The following ST8SIA5 variants were observed in gnomAD, a reference collection of about 807,000 sequenced individuals.
ST8SIA5 encodes alpha-2,8-sialyltransferase 8E.
In ST8SIA5, 24 loss-of-function variants were observed where a neutral mutation model predicts 40.2. The ratio of observed to expected loss-of-function variants is 0.60; its 90% CI spans 0.43 to 0.84. The LOEUF (loss-of-function observed/expected upper bound fraction) is 0.84, where lower values mean the gene tolerates loss of function less well. Among genes scored for constraint, ST8SIA5 ranks in the 40% least tolerant of loss-of-function variants. The probability of loss-of-function intolerance (pLI) is 0.00; values close to 1 mark genes in which losing one functional copy is unlikely to be tolerated. For missense variants in ST8SIA5, 465 were observed against 498.5 expected, an observed-to-expected ratio of 0.93 and a Z score of 0.64; for synonymous variants, 198 against 201.8, an observed-to-expected ratio of 0.98 and a Z score of 0.16.
At chr18:46,689,083 C>A in intron 3 of ST8SIA5, 164 bp from the exon 4 acceptor site, 1 of 754,206 alleles carries the variant, frequency 1.3e-6, no homozygotes, top group South Asian at 2.1e-5. Flanking sequence ...CTCCTGCCCA[C>A]CCATCCCACA....
Position 46,716,240 on chromosome 18 carries a change from T to G in ST8SIA5, c.132-11576A>C, listed in dbSNP as rs138286790. On this transcript the variant is annotated intron_variant, in intron 1 of 6. Transcript: ENST00000315087. ...GGGTAATGAATACACCCACCTCAAA[T>G]GTTTGAGGGTAAGGACTGAATGGGA... Among the ~76,000 whole-genome samples, 1,385 of 152,216 alleles carry G rather than the reference T, an allele frequency of 9.1e-3. 21 individuals carry two copies. Among genetic ancestry groups the G allele is most frequent in the African/African-American group, 0.031 (1,306 of 41,514 alleles).
At chr18:46,689,262 C>T (rs1023257277) in intron 3 of ST8SIA5, among the ~76,000 whole-genome samples, 1 of 152,222 alleles carries the variant, frequency 6.6e-6, no homozygotes, top group Non-Finnish European at 1.5e-5. Flanking sequence ...TTCCATGAAG[C>T]CCCACCCAGC....
At chr18:46,713,182 T>C (rs568904070) in intron 1 of ST8SIA5, among the ~76,000 whole-genome samples, 2 of 152,004 alleles carry the variant, frequency 1.3e-5, no homozygotes, top group Admixed American at 6.6e-5. Context: ...AGACAGTCGA[T>C]TGCACTAAGG....
chr18:46,700,336 C>T (rs778293565), intron 2 of ST8SIA5, among the ~76,000 whole-genome samples: 9 of 152,206 alleles, frequency 5.9e-5, no homozygotes, highest in African/African-American at 1.9e-4. Flanking sequence ...TCTGCAGGCC[C>T]GAAGGGGCAA....
At chr18:46,701,423 G>A (rs1199919033) in intron 2 of ST8SIA5, among the ~76,000 whole-genome samples, 1 of 152,064 alleles carries the variant, frequency 6.6e-6, no homozygotes, top group Non-Finnish European at 1.5e-5. Flanking sequence ...TTACAGGCAT[G>A]AGCTACCGCA....
intron 1 of ST8SIA5, among the ~76,000 whole-genome samples, chr18:46,728,905 C>CT (rs2039958629): frequency 1.3e-5 from 2 of 152,204 alleles, no homozygotes; most frequent in Admixed American, 6.5e-5. Context: ...AATAGCACCA[C>CT]TTGCCTATTC....
chr18:46,692,430 G>T (rs372124218), intron 2 of ST8SIA5, among the ~76,000 whole-genome samples, 175 bp from the exon 3 acceptor site: 2 of 151,332 alleles, frequency 1.3e-5, no homozygotes, highest in South Asian at 4.2e-4. Context: ...TTAAGACAGG[G>T]CCTCACACCG....
At chr18:46,684,176 G>C (rs1568249456) in intron 5 of ST8SIA5, among the ~76,000 whole-genome samples, 1 of 152,136 alleles carries the variant, frequency 6.6e-6, no homozygotes, top group Non-Finnish European at 1.5e-5. Flanking sequence ...GATCTTAGGT[G>C]GTGGGACAAG....
At chr18:46,694,232 T>C (rs941274922) in intron 2 of ST8SIA5, among the ~76,000 whole-genome samples, 1 of 152,154 alleles carries the variant, frequency 6.6e-6, no homozygotes, top group African/African-American at 2.4e-5. Flanking sequence ...CATCTTTTTT[T>C]TTGTTTGTTT....
At chr18:46,701,035 G>A (rs1479887146) in intron 2 of ST8SIA5, among the ~76,000 whole-genome samples, 2 of 151,860 alleles carry the variant, frequency 1.3e-5, no homozygotes, top group Non-Finnish European at 2.9e-5. Flanking sequence ...GCTGTGACAG[G>A]GGCTGTTGTG....
intron 3 of ST8SIA5, among the ~76,000 whole-genome samples, chr18:46,691,194 T>C (rs1021161079): frequency 1.3e-5 from 2 of 152,212 alleles, no homozygotes; most frequent in African/African-American, 4.8e-5. Context: ...AGGCCTTTGC[T>C]TGGTTTCTGT....
Position 46,692,159 on chromosome 18 carries a change from T to C in ST8SIA5, c.311+10A>G. The C allele has an allele frequency of 6.2e-7, 1 of 1,613,888 alleles. No homozygotes were observed. Among genetic ancestry groups the C allele is most frequent in the Non-Finnish European group, 8.5e-7 (1 of 1,179,848 alleles). On this transcript the variant is annotated intron_variant, in intron 3 of 6. Coordinates refer to ENST00000315087, the MANE Select transcript of ST8SIA5 (RefSeq NM_013305.6). ...ACAAGGAGAAGGGAGGACAGACGAA[T>C]CATAGATACTTGAACTGGTTGGCCT...
At chr18:46,733,993 G>A (rs2144549375) in intron 1 of ST8SIA5, among the ~76,000 whole-genome samples, 1 of 152,204 alleles carries the variant, frequency 6.6e-6, no homozygotes, top group East Asian at 1.9e-4. Flanking sequence ...CCGTCCCTAG[G>A]GGGCTCTGAC....
intron 1 of ST8SIA5, among the ~76,000 whole-genome samples, chr18:46,712,655 G>A (rs1267498638): frequency 2.6e-5 from 4 of 152,130 alleles, no homozygotes; most frequent in East Asian, 1.9e-4. Flanking sequence ...CGTGAGAAGG[G>A]TTTTTCTCCT....
chr18:46,681,509 G>A (rs2039396139), intron 6 of ST8SIA5, among the ~76,000 whole-genome samples: 2 of 152,188 alleles, frequency 1.3e-5, no homozygotes, highest in African/African-American at 4.8e-5. Flanking sequence ...CCCAGGAGGG[G>A]AGCCAGGAGG....
intron 1 of ST8SIA5, among the ~76,000 whole-genome samples, chr18:46,712,073 C>G (rs1377860576): frequency 6.6e-6 from 1 of 152,176 alleles, no homozygotes; most frequent in African/African-American, 2.4e-5. Context: ...TAGCTTCATT[C>G]CTCCTTCCCC....
chr18:46,749,179 G>T (rs959917311), intron 1 of ST8SIA5, among the ~76,000 whole-genome samples: 1 of 152,160 alleles, frequency 6.6e-6, no homozygotes, highest in Non-Finnish European at 1.5e-5. Flanking sequence ...ACAGAAAACA[G>T]GTTAGTGCGT....
intron 1 of ST8SIA5, among the ~76,000 whole-genome samples, chr18:46,727,739 T>C (rs891605073): frequency 1.3e-5 from 2 of 152,128 alleles, no homozygotes; most frequent in African/African-American, 2.4e-5. Context: ...GCAGAGAAAG[T>C]ATTCAAGCCC....
At chr18:46,719,120 G>A (rs1348439481) in intron 1 of ST8SIA5, among the ~76,000 whole-genome samples, 2 of 152,206 alleles carry the variant, frequency 1.3e-5, no homozygotes, top group Admixed American at 6.5e-5. Flanking sequence ...AAATGTGGGA[G>A]GTGTGGTCAT....
Sources: gnomAD v4.1 joint callset for allele counts (sites outside exome capture counted in the v4.1 genomes callset) on GRCh38, gnomAD v4.1.1 for gene constraint, MANE v1.5 for transcripts, NCBI Gene and HGNC (gene_info 2026-07-23, HGNC 2026-07-21) for gene names.